ZNF37A: variants seen among roughly 807,000 people sequenced by gnomAD.
ZNF37A encodes the protein zinc finger protein 37A.
A neutral mutation model predicts 12.3 loss-of-function variants in ZNF37A; 10 were observed. The observed-to-expected ratio is 0.82, with a 90% confidence interval of 0.50 to 1.38. The LOEUF is 1.38. ZNF37A is among the 40% of genes most tolerant of loss of function. The probability of loss-of-function intolerance (pLI) is 0.00; values close to 1 mark genes in which losing one functional copy is unlikely to be tolerated. For synonymous variants in ZNF37A, 207 were observed against 223.0 expected, an observed-to-expected ratio of 0.93 and a Z score of 0.64; for missense variants, 580 against 651.2, an observed-to-expected ratio of 0.89 and a Z score of 1.19.
At chr10:38,110,568 A>T (rs1456810717) in intron 5 of ZNF37A, among the ~76,000 whole-genome samples, 1 of 152,172 alleles carries the variant, frequency 6.6e-6, no homozygotes, top group Non-Finnish European at 1.5e-5. Flanking sequence ...ATGGGAGAAA[A>T]TTTTTGCAAT....
At chr10:38,110,963 C>A (rs1391827713) in intron 5 of ZNF37A, among the ~76,000 whole-genome samples, 3 of 152,012 alleles carry the variant, frequency 2.0e-5, no homozygotes, top group Non-Finnish European at 4.4e-5. Context: ...ACCATTTGAC[C>A]CAGGAATCCC....
At chr10:38,125,753 G>A (rs2069915932), downstream of ZNF37A, among the ~76,000 whole-genome samples, 1 of 152,246 alleles carries the variant, frequency 6.6e-6, no homozygotes, top group East Asian at 1.9e-4. Context: ...TTGACTGTTA[G>A]ACCATTCTTG....
At chr10:38,109,057 T>C (rs1032116973) in intron 5 of ZNF37A, among the ~76,000 whole-genome samples, 126 of 152,292 alleles carry the variant, frequency 8.3e-4, no homozygotes, top group African/African-American at 2.9e-3. Flanking sequence ...CCAATATCCC[T>C]GATGAACATT....
At chr10:38,136,366 C>G (rs2070107647) in intron 7 of ZNF37A, among the ~76,000 whole-genome samples, 1 of 152,156 alleles carries the variant, frequency 6.6e-6, no homozygotes, top group African/African-American at 2.4e-5. Context: ...GTTGGCCACA[C>G]TGGTCTCTAA....
At chr10:38,129,120 C>T (rs1284638195), downstream of ZNF37A, among the ~76,000 whole-genome samples, 1 of 151,728 alleles carries the variant, frequency 6.6e-6, no homozygotes. Context: ...AGAAACTCAA[C>T]TTACATTGTA....
intron 5 of ZNF37A, among the ~76,000 whole-genome samples, chr10:38,103,895 T>C (rs888447057): frequency 6.6e-6 from 1 of 152,176 alleles, no homozygotes; most frequent in Non-Finnish European, 1.5e-5. Context: ...ATTGGCCCTG[T>C]TTTAGGGCGC....
intron 7 of ZNF37A, among the ~76,000 whole-genome samples, chr10:38,136,894 GTATT>G (rs1193368672): frequency 6.6e-6 from 1 of 151,956 alleles, no homozygotes; most frequent in African/African-American, 2.4e-5. Context: ...TTCTTCAAGT[GTATT>G]TATTTATTTT....
At position 38,118,393 on chromosome 10, in the gene ZNF37A, T is replaced by C. The variant is rs2069463971; in HGVS notation, c.1242T>C (p.Asn414=). 2 of 1,613,952 alleles carry C rather than the reference T, an allele frequency of 1.2e-6. No individual in the cohort carries two copies. The highest frequency in any genetic ancestry group is 1.7e-6 in the Non-Finnish European group (2 of 1,179,990). The change falls in exon 8 of 8, where the codon AAT becomes AAC. Residue 414 remains asparagine, a synonymous_variant. Coordinates refer to ENST00000685332, the MANE Select transcript of ZNF37A (RefSeq NM_001324250.3). ...IHTGEKPYEC[N]ECGKSFSEKS... Reference sequence around the variant, plus strand: ...CAGGTGAAAAACCTTATGAATGTAATGAATGTGGGAAGTCATTCTCTGAGA... The same window carrying C: ...CAGGTGAAAAACCTTATGAATGTAACGAATGTGGGAAGTCATTCTCTGAGA...
At chr10:38,109,454 G>A (rs2068443198) in intron 5 of ZNF37A, among the ~76,000 whole-genome samples, 1 of 152,076 alleles carries the variant, frequency 6.6e-6, no homozygotes, top group African/African-American at 2.4e-5. Flanking sequence ...CCTCTCTCAC[G>A]ACTCCTATTC....
At chr10:38,130,119 G>T (rs1290756603), downstream of ZNF37A, among the ~76,000 whole-genome samples, 1 of 152,144 alleles carries the variant, frequency 6.6e-6, no homozygotes, top group Non-Finnish European at 1.5e-5. Flanking sequence ...CATGTAGGGA[G>T]AATCATGAGA....
Position 38,118,807 on chromosome 10 carries a change from T to C in ZNF37A, c.1656T>C (p.Asn552=). 6.3e-7 allele frequency: 1 copy of C among 1,587,664 alleles called. No homozygotes were observed. ...TACACTTGGGGAGAAACCCTATAAA[T>C]GTAGTAAACGAGGGAAATTACTCTG... The part of the protein sequence containing the change: ...QRIHLGRNPI[N]VVNEGNYSG The change falls in exon 8 of 8, where the codon AAT becomes AAC. Residue 552 remains asparagine, a synonymous_variant. Transcript: ENST00000685332.
intron 7 of ZNF37A, 58 bp from the exon 8 acceptor site, chr10:38,117,330 TAA>T: frequency 6.6e-7 from 1 of 1,523,938 alleles, no homozygotes; most frequent in Non-Finnish European, 8.8e-7. Context: ...AATATAATGC[TAA>T]GTTTATTTCT....
Position 38,122,203 on chromosome 10 carries a change from A to T in ZNF37A, c.*3366A>T, listed in dbSNP as rs567404298. The T allele has an allele frequency of 2.0e-5, 3 of 152,098 alleles. No individual in the cohort carries two copies. The East Asian group carries it at 5.8e-4, about 29-fold the overall frequency. 9.4% of individuals were successfully genotyped at this position (152,098 alleles called of 1,614,324 possible). A position where few individuals can be genotyped will look rare whatever the true frequency, so the allele number is the denominator to read the frequency against. ...CACTGAGCTGTGATCGTGCCACTGT[A>T]CTCTAGCCTGGAAGACAGAGTGAGA... On this transcript the variant is annotated 3_prime_UTR_variant, in exon 8 of 8. Transcript: ENST00000685332.
At chr10:38,112,783 T>TCTCGG (rs1564932429) in intron 5 of ZNF37A, among the ~76,000 whole-genome samples, 2 of 57,852 alleles carry the variant, frequency 3.5e-5, no homozygotes, top group African/African-American at 1.2e-4. Flanking sequence ...TTCTTTTCTT[T>TCTCGG]TCTTTTCTTT....
At position 38,119,779 on chromosome 10, in the gene ZNF37A, A is replaced by G. The variant is rs1265765899; in HGVS notation, c.*942A>G. On this transcript the variant is annotated 3_prime_UTR_variant, in exon 8 of 8. Coordinates refer to ENST00000685332, the MANE Select transcript of ZNF37A (RefSeq NM_001324250.3). ...GACCCACAAACAAGAGTGCTCTTGT[A>G]TGTCCAGAAGAAAGAGAAAGACCAT... 6.6e-6 allele frequency: 1 copy of G among 152,230 alleles called. No homozygotes were observed. The highest frequency in any genetic ancestry group is 1.5e-5 in the Non-Finnish European group (1 of 68,060). The allele number at this position is 152,230 out of a possible 1,614,324, so 9.4% of individuals were successfully genotyped here. A position where few individuals can be genotyped will look rare whatever the true frequency, so the allele number is the denominator to read the frequency against.
In ZNF37A at chr10:38,118,113, A is replaced by G; in HGVS notation, c.962A>G (p.His321Arg). The change falls in exon 8 of 8, where the codon CAT becomes CGT. Residue 321 changes from histidine (H) to arginine (R), a missense_variant. Transcript: ENST00000685332. ...GACCTCATTAAACATCAAAGAATTC[A>G]TACAGGGGAGAGACCTTATGGATGT... Reference protein sequence around the residue: ...NSDLIKHQRIHTGERPYGCHE... With the variant: ...NSDLIKHQRIRTGERPYGCHE... 1 of 1,613,922 alleles carries G rather than the reference A, an allele frequency of 6.2e-7. No individual in the cohort carries two copies. Among genetic ancestry groups the G allele is most frequent in the Non-Finnish European group, 8.5e-7 (1 of 1,179,886 alleles).
At chr10:38,134,657 T>G (rs1419614651) in intron 7 of ZNF37A, among the ~76,000 whole-genome samples, 1 of 139,598 alleles carries the variant, frequency 7.2e-6, no homozygotes, top group African/African-American at 2.5e-5. Flanking sequence ...CTCTGGAAGC[T>G]TTGTCTAAGA....
At chr10:38,149,003 A>C (rs1165972622) in exon 8 of ZNF37A, 2 of 151,792 alleles carry the variant, frequency 1.3e-5, no homozygotes, top group African/African-American at 2.4e-5. Context: ...ACAACTGGCT[A>C]ATTTTTGTAC....
In ZNF37A at chr10:38,115,232, G is replaced by C. The variant is rs1313289053; in HGVS notation, c.180G>C (p.Leu60Phe). 1 of 1,613,630 alleles carries C rather than the reference G, an allele frequency of 6.2e-7. No individual in the cohort carries two copies. Among genetic ancestry groups the C allele is most frequent in the East Asian group, 2.2e-5 (1 of 44,850 alleles). Reference protein sequence around the residue: ...CIPKPEVILKLEKGEEPWILE... With the variant: ...CIPKPEVILKFEKGEEPWILE... ...CTAAACCAGAAGTGATTCTCAAGTT[G>C]GAGAAAGGCGAGGAGCCATGGATAT... The change falls in exon 7 of 8, where the codon TTG becomes TTC. Residue 60 changes from leucine to phenylalanine, a missense_variant. By Grantham distance (22) the Leu-to-Phe change is conservative. Coordinates refer to ENST00000685332, the MANE Select transcript of ZNF37A (RefSeq NM_001324250.3).
Sources: allele counts gnomAD v4.1 joint callset (sites outside exome capture counted in the v4.1 genomes callset), GRCh38; gene constraint gnomAD v4.1.1; transcripts MANE v1.5; gene names NCBI Gene and HGNC (gene_info 2026-07-23, HGNC 2026-07-21).